Variants in PLPPR1 observed in about 807,000 individuals in gnomAD.
PLPPR1 encodes the protein phospholipid phosphatase-related protein type 1.
In PLPPR1, 10 loss-of-function variants were observed where a neutral mutation model predicts 33.1. The ratio of observed to expected loss-of-function variants is 0.30; its 90% CI spans 0.19 to 0.51. PLPPR1 has a LOEUF of 0.51. PLPPR1 is among the 20% of genes least tolerant of loss of function. PLPPR1 has a pLI of 0.97. For missense variants in PLPPR1, 304 were observed against 408.1 expected (o/e 0.74, Z 2.20); for synonymous variants, 151 against 151.0 (o/e 1.00, Z 0.00).
chr9:101,308,827 A>T (rs1828902039), intron 4 of PLPPR1, among the ~76,000 whole-genome samples: 1 of 152,204 alleles, frequency 6.6e-6, no homozygotes, highest in Non-Finnish European at 1.5e-5. Context: ...TTTTGCACGT[A>T]GATTATTCTC....
At chr9:101,103,195 G>T (rs1160655225) in intron 1 of PLPPR1, among the ~76,000 whole-genome samples, 1 of 132,324 alleles carries the variant, frequency 7.6e-6, no homozygotes, top group African/African-American at 3.0e-5. Flanking sequence ...CATTGCTTTT[G>T]GTGTTTTGGA....
In PLPPR1 at chr9:101,036,230, G is replaced by A. The variant is rs76328988; in HGVS notation, c.-46+7128G>A. ...GGATACATCCTAGCTTTCCTATACTGGTGTAAAAATGCAGGAACAGTGTAT... is the reference window on the plus strand; with the variant it reads ...GGATACATCCTAGCTTTCCTATACTAGTGTAAAAATGCAGGAACAGTGTAT... On this transcript the variant is annotated intron_variant, in intron 1 of 7. Transcript: ENST00000374874. 5.7e-4 allele frequency among the ~76,000 whole-genome samples: 86 copies of A among 152,196 alleles called. 1 individual carries two copies. In the East Asian group the frequency reaches 0.016, roughly 29 times the overall value.
intron 2 of PLPPR1, among the ~76,000 whole-genome samples, chr9:101,193,041 A>G (rs1271049879): frequency 6.6e-6 from 1 of 152,090 alleles, no homozygotes. Context: ...TGCTCTTCCA[A>G]TTGAGTGAGG....
At chr9:101,157,868 G>A (rs1020759433) in intron 1 of PLPPR1, among the ~76,000 whole-genome samples, 2 of 152,022 alleles carry the variant, frequency 1.3e-5, no homozygotes, top group Non-Finnish European at 2.9e-5. Context: ...GCTGGGCCTG[G>A]TTGTATATGC....
chr9:101,289,511 A>G (rs1335441107), intron 4 of PLPPR1, among the ~76,000 whole-genome samples: 1 of 152,206 alleles, frequency 6.6e-6, no homozygotes, highest in Non-Finnish European at 1.5e-5. Context: ...CTCATCTTGA[A>G]TTGTACTCCC....
At chr9:101,116,847 G>T (rs1347733317) in intron 1 of PLPPR1, among the ~76,000 whole-genome samples, 1 of 151,118 alleles carries the variant, frequency 6.6e-6, no homozygotes, top group Non-Finnish European at 1.5e-5. Context: ...TGCAAGATAA[G>T]CTTATTGAAT....
At chr9:101,204,373 T>C (rs1826550912) in intron 2 of PLPPR1, among the ~76,000 whole-genome samples, 1 of 152,094 alleles carries the variant, frequency 6.6e-6, no homozygotes, top group African/African-American at 2.4e-5. Context: ...AAAAGGCAAT[T>C]CACATTCTAG....
chr9:101,197,291 T>G (rs1364380204), intron 2 of PLPPR1, among the ~76,000 whole-genome samples: 1 of 152,188 alleles, frequency 6.6e-6, no homozygotes, highest in East Asian at 1.9e-4. Context: ...CCCACTAGTA[T>G]TATACTTTCT....
At chr9:101,264,177 C>G (rs1447214346) in intron 2 of PLPPR1, among the ~76,000 whole-genome samples, 1 of 152,090 alleles carries the variant, frequency 6.6e-6, no homozygotes, top group Non-Finnish European at 1.5e-5. Flanking sequence ...AAAAAACATC[C>G]AAATCCTTAA....
At chr9:101,168,111 A>G (rs747073329) in intron 1 of PLPPR1, among the ~76,000 whole-genome samples, 6 of 152,142 alleles carry the variant, frequency 3.9e-5, no homozygotes, top group Non-Finnish European at 8.8e-5. Context: ...ACACATGGGA[A>G]TTATGGAAGC....
chr9:101,065,315 T>C (rs1830398120), intron 1 of PLPPR1, among the ~76,000 whole-genome samples: 1 of 152,066 alleles, frequency 6.6e-6, no homozygotes, highest in South Asian at 2.1e-4. Context: ...TGCAGGGTAT[T>C]GTAGATGTCA....
At chr9:101,206,847 C>T (rs1826597328) in intron 2 of PLPPR1, among the ~76,000 whole-genome samples, 1 of 152,112 alleles carries the variant, frequency 6.6e-6, no homozygotes, top group Non-Finnish European at 1.5e-5. Context: ...AGATTTCAAG[C>T]ACCACCAGGA....
At chr9:101,087,169 G>A (rs1217518001) in intron 1 of PLPPR1, among the ~76,000 whole-genome samples, 1 of 132,124 alleles carries the variant, frequency 7.6e-6, no homozygotes, top group Non-Finnish European at 1.7e-5. Flanking sequence ...CAGACTGAGT[G>A]AGACTCTGTC....
chr9:101,055,469 C>T (rs902071376), intron 1 of PLPPR1, among the ~76,000 whole-genome samples: 8 of 152,300 alleles, frequency 5.3e-5, no homozygotes, highest in African/African-American at 1.2e-4. Flanking sequence ...ATCAAAAGAT[C>T]GGTTAATCAA....
At chr9:101,053,813 C>G (rs1458022661) in intron 1 of PLPPR1, among the ~76,000 whole-genome samples, 1 of 152,096 alleles carries the variant, frequency 6.6e-6, no homozygotes, top group East Asian at 1.9e-4. Flanking sequence ...AGAAGACAAG[C>G]CTTTATTCTG....
At chr9:101,310,561 C>T (rs141984297) in intron 5 of PLPPR1, among the ~76,000 whole-genome samples, 3 of 152,206 alleles carry the variant, frequency 2.0e-5, no homozygotes, top group Admixed American at 6.5e-5. Flanking sequence ...TCTGCCTCTG[C>T]GGGAAGAAAA....
chr9:101,316,221 T>C (rs1040299464), intron 6 of PLPPR1, among the ~76,000 whole-genome samples: 4 of 151,998 alleles, frequency 2.6e-5, no homozygotes, highest in Admixed American at 2.6e-4. Flanking sequence ...CAGATCATGA[T>C]GTCAGGAGAT....
At chr9:101,255,788 T>C (rs1452021628) in intron 2 of PLPPR1, among the ~76,000 whole-genome samples, 2 of 152,182 alleles carry the variant, frequency 1.3e-5, no homozygotes, top group Non-Finnish European at 2.9e-5. Flanking sequence ...AATGTGCTTA[T>C]CATTGCTACA....
At chr9:101,035,484 A>T (rs955425587) in intron 1 of PLPPR1, among the ~76,000 whole-genome samples, 2 of 152,132 alleles carry the variant, frequency 1.3e-5, no homozygotes, top group African/African-American at 4.8e-5. Context: ...GCCTTTCGCC[A>T]TGCTGTTCCC....
Sources: gnomAD v4.1 joint callset for allele counts (sites outside exome capture counted in the v4.1 genomes callset) on GRCh38, gnomAD v4.1.1 for gene constraint, MANE v1.5 for transcripts, NCBI Gene and HGNC (gene_info 2026-07-23, HGNC 2026-07-21) for gene names.